The following MEIG1 variants were observed in gnomAD, a reference collection of about 807,000 sequenced individuals.
The protein encoded by MEIG1 is meiosis expressed gene 1 protein homolog.
MEIG1 carries 12 observed loss-of-function variants against 11.3 expected under a neutral mutation model. The observed-to-expected ratio is 1.07, with a 90% CI of 0.68 to 1.73. The LOEUF is 1.73. Ranked by LOEUF, MEIG1 falls within the 40% of genes most tolerant of loss-of-function variation. MEIG1 has a pLI of 0.00. For synonymous variants in MEIG1, 41 were observed against 33.2 expected, an observed-to-expected ratio of 1.24 and a Z score of -0.81; for missense variants, 119 against 104.9, an observed-to-expected ratio of 1.13 and a Z score of -0.59.
intron 2 of MEIG1, among the ~76,000 whole-genome samples, chr10:14,969,485 G>C (rs998719126): frequency 6.6e-6 from 1 of 151,420 alleles, no homozygotes; most frequent in African/African-American, 2.4e-5. Context: ...AGAAAAGAAA[G>C]TTGTCACAAG....
At chr10:14,977,579 T>G (rs7901511), downstream of MEIG1, among the ~76,000 whole-genome samples, 1,721 of 151,920 alleles carry the variant, frequency 0.011, 24 homozygotes, top group African/African-American at 0.04. Context: ...TCCCAGTGGG[T>G]GTACACACAT....
downstream of MEIG1, among the ~76,000 whole-genome samples, chr10:14,976,092 G>T (rs533585068): frequency 6.6e-6 from 1 of 152,092 alleles, no homozygotes; most frequent in Non-Finnish European, 1.5e-5. Context: ...GGGGGCGTCC[G>T]CCCCCTTGCG....
intron 2 of MEIG1, among the ~76,000 whole-genome samples, chr10:14,966,978 C>T (rs1055001398): frequency 1.3e-5 from 2 of 152,122 alleles, no homozygotes; most frequent in East Asian, 3.9e-4. Flanking sequence ...AAGTGATCCA[C>T]GCGCCTAAGC....
At chr10:14,976,265 G>A (rs1843209123), downstream of MEIG1, among the ~76,000 whole-genome samples, 5 of 151,460 alleles carry the variant, frequency 3.3e-5, no homozygotes, top group South Asian at 1.0e-3. Flanking sequence ...ACACCCTGCT[G>A]CATTATTCAT....
At chr10:14,976,722 T>C (rs575895662), downstream of MEIG1, among the ~76,000 whole-genome samples, 2 of 152,086 alleles carry the variant, frequency 1.3e-5, no homozygotes, top group Non-Finnish European at 2.9e-5. Context: ...CACAGTGATG[T>C]TCCATGTAAT....
chr10:14,959,067 T>A (rs1336241251), upstream of MEIG1, among the ~76,000 whole-genome samples: 1 of 152,236 alleles, frequency 6.6e-6, no homozygotes, highest in South Asian at 2.1e-4. Flanking sequence ...CTCTCTGGAA[T>A]GGTTCATTCC....
At chr10:14,963,846 C>G (rs1274771603) in intron 1 of MEIG1, among the ~76,000 whole-genome samples, 2 of 152,172 alleles carry the variant, frequency 1.3e-5, no homozygotes, top group East Asian at 3.9e-4. Context: ...CGCCTGTAAT[C>G]CCAGCCTTTT....
chr10:14,965,845 C>T (rs1349612582), intron 1 of MEIG1, among the ~76,000 whole-genome samples: 2 of 152,042 alleles, frequency 1.3e-5, no homozygotes, highest in Non-Finnish European at 2.9e-5. Context: ...AACATCACTC[C>T]GTAACTCCAA....
chr10:14,963,873 C>T (rs531774117), intron 1 of MEIG1, among the ~76,000 whole-genome samples: 5 of 151,940 alleles, frequency 3.3e-5, no homozygotes, highest in Non-Finnish European at 7.4e-5. Flanking sequence ...CTGAGGCAGG[C>T]GGATCATGAG....
At chr10:14,958,383 T>TATAA (rs1842972777), upstream of MEIG1, among the ~76,000 whole-genome samples, 1 of 152,232 alleles carries the variant, frequency 6.6e-6, no homozygotes, top group Non-Finnish European at 1.5e-5. Context: ...TAATTTAATT[T>TATAA]GTGATATGTC....
Position 14,972,445 on chromosome 10 carries a change from G to A in MEIG1, c.139-68G>A. 5.0e-6 allele frequency: 8 copies of A among 1,592,412 alleles called. No individual in the cohort carries two copies. In the Admixed American group the frequency reaches 1.2e-4, roughly 24 times the overall value. ...TGTAAGTCATACTTTTTAACTATTT[G>A]ATAGTAAAATATGAGATAAAAATCA... On this transcript the variant is annotated intron_variant, in intron 2 of 2. Coordinates refer to ENST00000407572, the MANE Select transcript of MEIG1 (RefSeq NM_001080836.3).
chr10:14,962,120 T>C (rs1843021996), intron 1 of MEIG1, among the ~76,000 whole-genome samples: 1 of 152,172 alleles, frequency 6.6e-6, no homozygotes, highest in Admixed American at 6.5e-5. Context: ...GTATTTTTTA[T>C]CAATTCTTTT....
intron 1 of MEIG1, among the ~76,000 whole-genome samples, chr10:14,962,609 G>A (rs560403619): frequency 2.1e-4 from 32 of 152,102 alleles, no homozygotes; most frequent in Non-Finnish European, 4.1e-4. Flanking sequence ...AAGAAAATAC[G>A]TTTCGAATGA....
intron 1 of MEIG1, among the ~76,000 whole-genome samples, chr10:14,985,571 C>A (rs902108663): frequency 6.6e-6 from 1 of 151,058 alleles, no homozygotes; most frequent in African/African-American, 2.4e-5. Context: ...GGCATGATCT[C>A]CCTAATGTCA....
At chr10:14,978,592 C>T (rs553561002) in intron 1 of MEIG1, among the ~76,000 whole-genome samples, 2 of 151,860 alleles carry the variant, frequency 1.3e-5, no homozygotes, top group South Asian at 2.1e-4. Flanking sequence ...TAATATCCTA[C>T]GGGGATGTTA....
At chr10:14,958,589 G>A (rs117175140), upstream of MEIG1, among the ~76,000 whole-genome samples, 1,519 of 152,232 alleles carry the variant, frequency 1.0e-2, 18 homozygotes, top group East Asian at 0.059. Context: ...AAGTCCTGAT[G>A]GCTCTACATT....
At chr10:14,980,393 G>A (rs1843251415) in intron 1 of MEIG1, among the ~76,000 whole-genome samples, 1 of 152,020 alleles carries the variant, frequency 6.6e-6, no homozygotes, top group South Asian at 2.1e-4. Context: ...TCGTTTCCAG[G>A]GATGTTACTC....
chr10:14,962,397 T>C (rs1345760363), intron 1 of MEIG1, among the ~76,000 whole-genome samples: 1 of 152,208 alleles, frequency 6.6e-6, no homozygotes, highest in Non-Finnish European at 1.5e-5. Context: ...ATATTCTCTT[T>C]AGGTATTTTG....
At chr10:14,964,585 G>GTGTGTGTATATA (rs1378376059) in intron 1 of MEIG1, among the ~76,000 whole-genome samples, 45 of 93,014 alleles carry the variant, frequency 4.8e-4, no homozygotes, top group African/African-American at 1.6e-3. Flanking sequence ...GTGTGTGTGT[G>GTGTGTGTATATA]TATATATATA....
Sources: gnomAD v4.1 joint callset for allele counts (sites outside exome capture counted in the v4.1 genomes callset) on GRCh38, gnomAD v4.1.1 for gene constraint, MANE v1.5 for transcripts, NCBI Gene and HGNC (gene_info 2026-07-23, HGNC 2026-07-21) for gene names.